Variants in PCDHGA1 observed in about 807,000 individuals in gnomAD.
PCDHGA1 encodes the protein protocadherin gamma-A1.
In PCDHGA1, 32 loss-of-function variants were observed where a neutral mutation model predicts 58.0. The observed-to-expected ratio is 0.55, with a 90% CI of 0.42 to 0.74. PCDHGA1 has a LOEUF of 0.74. PCDHGA1 is among the 30% of genes least tolerant of loss of function. PCDHGA1 has a pLI of 0.00. For synonymous variants in PCDHGA1, 498 were observed against 501.1 expected, an observed-to-expected ratio of 0.99 and a Z score of 0.08; for missense variants, 1,205 against 1,182.3, an observed-to-expected ratio of 1.02 and a Z score of -0.28.
intron 1 of PCDHGA1, among the ~76,000 whole-genome samples, chr5:141,448,344 A>G (rs2098583423): frequency 6.6e-6 from 1 of 152,080 alleles, no homozygotes; most frequent in Admixed American, 6.6e-5. Flanking sequence ...CATGTACCTC[A>G]ATCTTAGTAG....
At chr5:141,481,638 T>G (rs1465682432) in intron 1 of PCDHGA1, among the ~76,000 whole-genome samples, 1 of 152,014 alleles carries the variant, frequency 6.6e-6, no homozygotes, top group Admixed American at 6.6e-5. Context: ...GCCAACATGG[T>G]GAAACTTCAT....
Position 141,333,023 on chromosome 5 carries a change from T to A in PCDHGA1, c.2339T>A (p.Ile780Asn). Residue 780 changes from isoleucine (I) to asparagine (N), a missense_variant, in exon 1 of 4, where the codon ATC (isoleucine) becomes AAC (asparagine). Coordinates refer to ENST00000517417, the MANE Select transcript of PCDHGA1 (RefSeq NM_018912.3). ...FPQPNYADTL[I>N]SQESCEKKGF... Reference sequence around the variant, plus strand: ...CAGCCCAACTATGCGGACACACTCATCAGCCAGGAGAGCTGTGAGAAAAAG... The same window carrying A: ...CAGCCCAACTATGCGGACACACTCAACAGCCAGGAGAGCTGTGAGAAAAAG... The A allele has an allele frequency of 1.2e-6, 2 of 1,614,170 alleles. No individual in the cohort carries two copies. The highest frequency in any genetic ancestry group is 1.7e-6 in the Non-Finnish European group (2 of 1,180,044).
intron 1 of PCDHGA1, chr5:141,427,798 T>C: frequency 6.6e-7 from 1 of 1,506,550 alleles, no homozygotes; most frequent in South Asian, 1.1e-5. Flanking sequence ...TACGTGTCCG[T>C]GAGCGCACAG....
rs1686238986 is a variant in PCDHGA1 at position 141,431,536 on chromosome 5, G to A, written c.2422-63271G>A. The A allele has an allele frequency of 6.2e-7, 1 of 1,614,070 alleles. No homozygotes were observed. Among genetic ancestry groups the A allele is most frequent in the African/African-American group, 1.3e-5 (1 of 75,064 alleles). On this transcript the variant is annotated intron_variant, in intron 1 of 3. Transcript: ENST00000517417. The surrounding 1 kb of genome is among the most constrained non-coding windows in gnomAD (Gnocchi z 4.8). ...TTCCGGAGAATCTGGCCTTGGGCAC[G>A]CAGCTGCTTGTAGTCAACGCTACCG... is the stretch of plus-strand genomic sequence containing the variant.
rs148331367 is a variant in PCDHGA1 at position 141,435,055 on chromosome 5, A to C, written c.2422-59752A>C. ...TTTATTTTTTTCCCATTGACCATGC[A>C]GCAGTTTTGTGTAGACCGTCTGATA... On this transcript the variant is annotated intron_variant, in intron 1 of 3. Transcript: ENST00000517417. Among the ~76,000 whole-genome samples, 21 of 152,242 alleles carry C rather than the reference A, an allele frequency of 1.4e-4. No individual in the cohort carries two copies. The East Asian group carries it at 4.0e-3, about 29-fold the overall frequency.
At chr5:141,427,276 T>G (rs1281222927) in intron 1 of PCDHGA1, 1 of 456,754 alleles carries the variant, frequency 2.2e-6, no homozygotes, top group Non-Finnish European at 4.4e-6. Context: ...GAATGTAAAA[T>G]TATACTAGAA....
rs778851755 is a variant in PCDHGA1, at chr5:141,477,795, G to A, written c.2422-17012G>A. ...AGCGTGAACATATTTGTCACTGATC[G>A]CAATGACAATGCCCCCCAGGTCCTA... On this transcript the variant is annotated intron_variant, in intron 1 of 3. Coordinates refer to ENST00000517417, the MANE Select transcript of PCDHGA1 (RefSeq NM_018912.3). This position sits in a 1 kb window ranked among gnomAD's most constrained non-coding sequence, Gnocchi z 4.9. The A allele has an allele frequency of 3.1e-6, 5 of 1,613,946 alleles. No individual in the cohort carries two copies. In the African/African-American group the frequency reaches 6.7e-5, roughly 22 times the overall value.
intron 1 of PCDHGA1, chr5:141,428,598 C>T (rs2097150047): frequency 4.5e-6 from 1 of 224,296 alleles, no homozygotes; most frequent in African/African-American, 2.3e-5. Context: ...TAGCAAGCTT[C>T]ACTGAAGAGA....
intron 1 of PCDHGA1, chr5:141,388,068 C>T (rs562398369): frequency 8.0e-6 from 11 of 1,373,194 alleles, no homozygotes; most frequent in Non-Finnish European, 1.1e-5. Flanking sequence ...CCAGGAGTTA[C>T]CGACTCGAAA....
chr5:141,375,664 C>A (rs766359955), intron 1 of PCDHGA1: 2 of 1,614,256 alleles, frequency 1.2e-6, no homozygotes, highest in East Asian at 4.5e-5. Context: ...AGTTGAGAGA[C>A]CTACAGCTGT....
At chr5:141,502,216 A>G (rs957759583) in intron 2 of PCDHGA1, among the ~76,000 whole-genome samples, 3 of 152,334 alleles carry the variant, frequency 2.0e-5, no homozygotes, top group Admixed American at 6.5e-5. Context: ...GCAGATTTTC[A>G]TAAATGTTCT....
At chr5:141,364,288 A>T in intron 1 of PCDHGA1, 2 of 1,517,690 alleles carry the variant, frequency 1.3e-6, no homozygotes, top group Non-Finnish European at 1.8e-6. Context: ...AGGAAACAGC[A>T]GGCTGAACCA....
At chr5:141,344,076 C>T in intron 1 of PCDHGA1, 1 of 1,609,758 alleles carries the variant, frequency 6.2e-7, no homozygotes, top group Non-Finnish European at 8.5e-7. Context: ...AGGACTGGCC[C>T]TGCTGTGCGC....
In PCDHGA1 at chr5:141,410,321, G is replaced by A. The variant is rs749017304; in HGVS notation, c.2421+77216G>A. ...AATCTCAGTGCTCTTCCTCCTCGCC[G>A]TGATTCTGGCCATTGCCTTGCGCCT... On this transcript the variant is annotated intron_variant, in intron 1 of 3. Transcript: ENST00000517417. The A allele has an allele frequency of 3.7e-6, 6 of 1,613,842 alleles. No homozygotes were observed. The East Asian group carries it at 1.1e-4, about 30-fold the overall frequency.
chr5:141,487,452 T>A lies in PCDHGA1; in HGVS notation c.2422-7355T>A, dbSNP rs778695562. 40 of 1,614,046 alleles carry A rather than the reference T, an allele frequency of 2.5e-5. No homozygotes were observed. The highest frequency in any genetic ancestry group is 3.4e-5 in the Non-Finnish European group (40 of 1,180,004). On this transcript the variant is annotated intron_variant, in intron 1 of 3. Coordinates refer to ENST00000517417, the MANE Select transcript of PCDHGA1 (RefSeq NM_018912.3). This position sits in a 1 kb window ranked among gnomAD's most constrained non-coding sequence, Gnocchi z 5.0. ...ATCCAGCTAGGGTCAGATGACCCTA[T>A]CAAGTTTGTTGATGTGGGAGGCCAC... is the stretch of plus-strand genomic sequence containing the variant.
intron 1 of PCDHGA1, chr5:141,340,904 G>A: frequency 6.2e-7 from 1 of 1,613,714 alleles, no homozygotes; most frequent in Non-Finnish European, 8.5e-7. Context: ...CCTCGTGGTG[G>A]CCATCCAGGA....
chr5:141,428,181 A>G, intron 1 of PCDHGA1: 2 of 1,486,230 alleles, frequency 1.3e-6, no homozygotes, highest in Non-Finnish European at 1.8e-6. Flanking sequence ...GACGGAGGAC[A>G]GCCGCCGCTC....
At chr5:141,419,972 C>T (rs534128024) in intron 1 of PCDHGA1, 3 of 1,613,948 alleles carry the variant, frequency 1.9e-6, no homozygotes, top group South Asian at 1.1e-5. Flanking sequence ...GCTCTTTCTC[C>T]TCGCGGTGAT....
rs553587727 is a variant in PCDHGA1, at chr5:141,419,523, G to A, written c.2422-75284G>A. The A allele has an allele frequency of 2.1e-4, 343 of 1,612,204 alleles. 3 individuals are homozygous for A. The South Asian group carries it at 3.5e-3, about 17-fold the overall frequency. ...AGCCTGCGCGTGTTGGTGGGCGACC[G>A]TAACGACAACGCACCGCGGGTGCTG... On this transcript the variant is annotated intron_variant, in intron 1 of 3. Coordinates refer to ENST00000517417, the MANE Select transcript of PCDHGA1 (RefSeq NM_018912.3).
Sources: gnomAD v4.1 joint callset for allele counts (sites outside exome capture counted in the v4.1 genomes callset) on GRCh38, gnomAD v4.1.1 for gene constraint, Gnocchi (gnomAD v3.1) non-coding constraint, MANE v1.5 for transcripts, NCBI Gene and HGNC (gene_info 2026-07-23, HGNC 2026-07-21) for gene names.